The following XKR4 variants were observed in gnomAD, a reference collection of about 807,000 sequenced individuals.
XKR4 encodes XK-related protein 4.
XKR4 carries 12 observed loss-of-function variants against 53.9 expected under a neutral mutation model. The observed-to-expected ratio is 0.22, with a 90% CI of 0.14 to 0.36. The LOEUF (loss-of-function observed/expected upper bound fraction) is 0.36, where lower values mean the gene tolerates loss of function less well. XKR4 is among the 10% of genes least tolerant of loss of function. The pLI is 1.00. For synonymous variants in XKR4, 354 were observed against 362.4 expected, an observed-to-expected ratio of 0.98 and a Z score of 0.26; for missense variants, 799 against 859.5, an observed-to-expected ratio of 0.93 and a Z score of 0.88.
chr8:55,270,849 A>C lies in XKR4; in HGVS notation c.807-86829A>C, dbSNP rs1195224069. 2.0e-5 allele frequency among the ~76,000 whole-genome samples: 3 copies of C among 152,208 alleles called. No homozygotes were observed. The East Asian group carries it at 5.8e-4, about 29-fold the overall frequency. On this transcript the variant is annotated intron_variant, in intron 1 of 2. Transcript: ENST00000327381. ...TACTCTGCACATGGCTATCTCAGCC[A>C]GGAAAGAGGGGTGAAAGGCATATAA...
rs201825644 is a variant in XKR4, at chr8:55,357,659, C to A, written c.807-19C>A. The stretch of plus-strand genomic sequence containing the variant: ...TATCATCACTCATCTCTTTCTTATT[C>A]TCCATGTTTTCTTTCTAGATATTTC... On this transcript the variant is annotated intron_variant, in intron 1 of 2. Coordinates refer to ENST00000327381, the MANE Select transcript of XKR4 (RefSeq NM_052898.2). 1 of 1,613,082 alleles carries A rather than the reference C, an allele frequency of 6.2e-7. No homozygotes were observed. The highest frequency in any genetic ancestry group is 8.5e-7 in the Non-Finnish European group (1 of 1,179,086).
At chr8:55,125,383 C>T (rs544088002) in intron 1 of XKR4, among the ~76,000 whole-genome samples, 73 of 152,176 alleles carry the variant, frequency 4.8e-4, no homozygotes, top group African/African-American at 1.7e-3. Context: ...TACAGGCATG[C>T]GTCACCACAC....
intron 2 of XKR4, among the ~76,000 whole-genome samples, chr8:55,444,438 T>C (rs959289604): frequency 1.3e-5 from 2 of 152,144 alleles, no homozygotes; most frequent in Non-Finnish European, 2.9e-5. Context: ...GAAAGAGAAG[T>C]AGATAAACAG....
intron 1 of XKR4, among the ~76,000 whole-genome samples, chr8:55,278,667 T>A (rs1818797164): frequency 6.6e-6 from 1 of 152,218 alleles, no homozygotes; most frequent in South Asian, 2.1e-4. Context: ...TAAGTTGTCA[T>A]AATTTTATAA....
rs1807011231 is a variant in XKR4, at chr8:55,534,991, G to GTCT, written c.*10764_*10765insTCT. On this transcript the variant is annotated 3_prime_UTR_variant, in exon 3 of 3. Coordinates refer to ENST00000327381, the MANE Select transcript of XKR4 (RefSeq NM_052898.2). ...GCAGTCTAGAGGAAAAATGAGAAGA[G>GTCT]GAAGAAGCAGGGATTCTTTTTCTTG... 6.6e-6 allele frequency: 1 copy of GTCT among 152,020 alleles called. No homozygotes were observed. Among genetic ancestry groups the GTCT allele is most frequent in the East Asian group, 1.9e-4 (1 of 5,182 alleles). The allele number at this position is 152,020 out of a possible 1,614,324, so 9.4% of individuals were successfully genotyped here.
chr8:55,533,429 A>G lies in XKR4; in HGVS notation c.*9202A>G, dbSNP rs187485616. On this transcript the variant is annotated 3_prime_UTR_variant, in exon 3 of 3. Transcript: ENST00000327381. ...CTTCCCTTATTAACCTTTCTAATGCATTGTACATAAAAGAGGAAATGGATT... is the reference window on the plus strand; with the variant it reads ...CTTCCCTTATTAACCTTTCTAATGCGTTGTACATAAAAGAGGAAATGGATT... The G allele has an allele frequency of 6.6e-6, 1 of 152,358 alleles. No homozygotes were observed. The highest frequency in any genetic ancestry group is 6.5e-5 in the Admixed American group (1 of 15,308). 9.4% of individuals were successfully genotyped at this position (152,358 alleles called of 1,614,324 possible). A position where few individuals can be genotyped will look rare whatever the true frequency, so the allele number is the denominator to read the frequency against.
Position 55,267,866 on chromosome 8 carries a change from G to A in XKR4, c.807-89812G>A, listed in dbSNP as rs192431623. ...CTTAGACAGTAGAAGTGCTCTGTAGGAAGAAGAGAAATCTCATAAGATGTT... is the reference window on the plus strand; with the variant it reads ...CTTAGACAGTAGAAGTGCTCTGTAGAAAGAAGAGAAATCTCATAAGATGTT... On this transcript the variant is annotated intron_variant, in intron 1 of 2. Transcript: ENST00000327381. Among the ~76,000 whole-genome samples, 515 of 152,270 alleles carry A rather than the reference G, an allele frequency of 3.4e-3. 1 individual carries two copies. The highest frequency in any genetic ancestry group is 0.024 in the Middle Eastern group (7 of 294).
chr8:55,531,092 C>T lies in XKR4; in HGVS notation c.*6865C>T, dbSNP rs930245198. 2.6e-5 allele frequency: 4 copies of T among 152,196 alleles called. No individual in the cohort carries two copies. The highest frequency in any genetic ancestry group is 6.5e-5 in the Admixed American group (1 of 15,276). 9.4% of individuals were successfully genotyped at this position (152,196 alleles called of 1,614,324 possible). ...ATTCCATATTGAAGCAAGAAAGAAA[C>T]ACAGCTTTTCTAAGACTATGCAGTC... On this transcript the variant is annotated 3_prime_UTR_variant, in exon 3 of 3. Coordinates refer to ENST00000327381, the MANE Select transcript of XKR4 (RefSeq NM_052898.2).
chr8:55,431,028 A>T lies in XKR4; in HGVS notation c.1006+73151A>T, dbSNP rs544721072. ...GCGAACTGAGTAAAGGGTATACAGG[A>T]TCTCTCCATATTATTTCTTACAACT... On this transcript the variant is annotated intron_variant, in intron 2 of 2. Transcript: ENST00000327381. 4.6e-5 allele frequency among the ~76,000 whole-genome samples: 7 copies of T among 152,264 alleles called. No individual in the cohort carries two copies. The East Asian group carries it at 1.4e-3, about 29-fold the overall frequency.
chr8:55,298,751 C>T (rs1399147926), intron 1 of XKR4, among the ~76,000 whole-genome samples: 1 of 152,154 alleles, frequency 6.6e-6, no homozygotes, highest in East Asian at 1.9e-4. Flanking sequence ...CCTCTGTGTG[C>T]ATGCACACAC....
intron 1 of XKR4, among the ~76,000 whole-genome samples, chr8:55,267,772 T>G (rs985560829): frequency 6.6e-6 from 1 of 152,204 alleles, no homozygotes; most frequent in Non-Finnish European, 1.5e-5. Flanking sequence ...ATCCTCTGAT[T>G]ACTCTCTGAA....
intron 1 of XKR4, among the ~76,000 whole-genome samples, chr8:55,176,456 T>C (rs1817236099): frequency 6.6e-6 from 1 of 152,184 alleles, no homozygotes; most frequent in Admixed American, 6.5e-5. Context: ...TGTGAGTGTG[T>C]GTGCGTGTGT....
chr8:55,469,221 T>C (rs1447084022), intron 2 of XKR4, among the ~76,000 whole-genome samples: 1 of 152,112 alleles, frequency 6.6e-6, no homozygotes, highest in East Asian at 1.9e-4. Context: ...TCTTCAACTT[T>C]CCTGATACGG....
At chr8:55,138,430 C>T (rs1816659964) in intron 1 of XKR4, among the ~76,000 whole-genome samples, 1 of 152,090 alleles carries the variant, frequency 6.6e-6, no homozygotes, top group South Asian at 2.1e-4. Context: ...TTAAAGTCAG[C>T]TCACAGGAAA....
At chr8:55,114,708 C>G (rs1046315086) in intron 1 of XKR4, among the ~76,000 whole-genome samples, 43 of 152,122 alleles carry the variant, frequency 2.8e-4, no homozygotes, top group African/African-American at 1.0e-3. Flanking sequence ...GAGGGGAGGG[C>G]AGAGAGCTGG....
intron 1 of XKR4, among the ~76,000 whole-genome samples, chr8:55,216,743 A>AG (rs1817804742): frequency 6.6e-6 from 1 of 151,122 alleles, no homozygotes; most frequent in Non-Finnish European, 1.5e-5. Flanking sequence ...AAAAAAAAAA[A>AG]TTATTAGCCA....
chr8:55,198,677 G>A (rs775309598), intron 1 of XKR4, among the ~76,000 whole-genome samples: 2 of 152,086 alleles, frequency 1.3e-5, no homozygotes, highest in African/African-American at 4.8e-5. Context: ...CTTAGAAAAT[G>A]TTAGAAGAAA....
intron 2 of XKR4, among the ~76,000 whole-genome samples, chr8:55,418,422 A>G (rs6473985): frequency 0.11 from 16,096 of 152,228 alleles, 2,145 homozygotes; most frequent in African/African-American, 0.31. Context: ...TATGTTTTAC[A>G]TGCACATCTC....
intron 1 of XKR4, among the ~76,000 whole-genome samples, chr8:55,190,028 C>A (rs1585928420): frequency 6.6e-6 from 1 of 152,326 alleles, no homozygotes; most frequent in South Asian, 2.1e-4. Context: ...GGAGACAAAC[C>A]TACCGGGAGT....
Sources: allele counts gnomAD v4.1 joint callset (sites outside exome capture counted in the v4.1 genomes callset), GRCh38; gene constraint gnomAD v4.1.1; transcripts MANE v1.5; gene names NCBI Gene and HGNC (gene_info 2026-07-23, HGNC 2026-07-21).